The following ASAP1 variants were observed in gnomAD, a reference collection of about 807,000 sequenced individuals.
The protein encoded by ASAP1 is arf-GAP with SH3 domain, ANK repeat and PH domain-containing protein 1.
In ASAP1, 43 loss-of-function variants were observed where a neutral mutation model predicts 145.2. The observed-to-expected ratio is 0.30, with a 90% CI of 0.23 to 0.38. The LOEUF is 0.38. Among genes scored for constraint, ASAP1 ranks in the 10% least tolerant of loss-of-function variants. ASAP1 has a pLI of 1.00. For synonymous variants in ASAP1, 546 were observed against 515.5 expected (o/e 1.06, Z -0.80); for missense variants, 1,018 against 1,355.3 (o/e 0.75, Z 3.91).
intron 24 of ASAP1, 118 bp from the exon 25 acceptor site, chr8:130,092,261 A>C (rs2097507081): frequency 9.0e-7 from 1 of 1,109,790 alleles, no homozygotes; most frequent in Admixed American, 3.5e-5. Context: ...AGACAAAAGC[A>C]AAAGGCTGGA....
intron 3 of ASAP1, among the ~76,000 whole-genome samples, chr8:130,316,251 C>T: frequency 6.6e-6 from 1 of 152,186 alleles, no homozygotes; most frequent in Non-Finnish European, 1.5e-5. Flanking sequence ...ACTTCAATAA[C>T]TTTTCCATCT....
intron 3 of ASAP1, among the ~76,000 whole-genome samples, chr8:130,334,639 A>C (rs1586850972): frequency 6.6e-6 from 1 of 152,246 alleles, no homozygotes; most frequent in African/African-American, 2.4e-5. Flanking sequence ...TTCAGAGGGA[A>C]AAAAACACAA....
rs115210538 is a variant in ASAP1, at chr8:130,052,973, G to A, written c.*1758C>T. ...TGGTTCCTCATGCTCTGTTTGGTGTGGAAATTCACATGTGCCCTGACACTG... is the reference window on the plus strand; with the variant it reads ...TGGTTCCTCATGCTCTGTTTGGTGTAGAAATTCACATGTGCCCTGACACTG... On this transcript the variant is annotated 3_prime_UTR_variant, in exon 30 of 30. Transcript: ENST00000518721. The A allele has an allele frequency of 0.027, 4,146 of 152,172 alleles. 69 individuals are homozygous for A. The highest frequency in any genetic ancestry group is 0.044 in the African/African-American group (1,845 of 41,510). The allele number at this position is 152,172 out of a possible 1,614,324, so 9.4% of individuals were successfully genotyped here.
intron 3 of ASAP1, among the ~76,000 whole-genome samples, chr8:130,280,486 T>A (rs558766980): frequency 6.6e-6 from 1 of 152,220 alleles, no homozygotes; most frequent in Non-Finnish European, 1.5e-5. Context: ...TCTGCCACAG[T>A]AGAGAGCAGT....
intron 4 of ASAP1, among the ~76,000 whole-genome samples, chr8:130,219,188 T>A (rs1817133695): frequency 7.9e-6 from 1 of 126,136 alleles, no homozygotes; most frequent in Admixed American, 7.5e-5. Context: ...AACACAGGTC[T>A]CACATGTCTT....
intron 3 of ASAP1, among the ~76,000 whole-genome samples, chr8:130,286,969 G>C (rs1214034306): frequency 1.3e-5 from 2 of 152,164 alleles, no homozygotes; most frequent in African/African-American, 4.8e-5. Flanking sequence ...GCCCGTAGGG[G>C]GTCAAAAAGG....
intron 27 of ASAP1, among the ~76,000 whole-genome samples, chr8:130,062,664 C>T (rs374101908): frequency 3.9e-5 from 6 of 152,296 alleles, no homozygotes; most frequent in East Asian, 1.9e-4. Flanking sequence ...AAATACCCCA[C>T]CCTCTTCACC....
In ASAP1 at chr8:130,101,732, A is replaced by ATTTTTTTTTTTTTTTTTTTTTTT. The variant is rs59778799; in HGVS notation, c.2402-9590_2402-9589insAAAAAAAAAAAAAAAAAAAAAAA. Among the ~76,000 whole-genome samples, 44 of 86,924 alleles carry ATTTTTTTTTTTTTTTTTTTTTTT rather than the reference A, an allele frequency of 5.1e-4. 6 individuals carry two copies. The highest frequency in any genetic ancestry group is 2.0e-3 in the African/African-American group (36 of 18,090). 57.0% of individuals were successfully genotyped at this position (86,924 alleles called of 152,430 possible). A position where few individuals can be genotyped will look rare whatever the true frequency, so the allele number is the denominator to read the frequency against. On this transcript the variant is annotated intron_variant, in intron 24 of 29. Coordinates refer to ENST00000518721, the MANE Select transcript of ASAP1 (RefSeq NM_018482.4). ...AGGCATGTGCTACCACACCTGGTTA[A>ATTTTTTTTTTTTTTTTTTTTTTT]TTTTTTTTTTTTTTTTTTTTGCAGA...
chr8:130,151,072 C>G (rs2097645254), intron 13 of ASAP1, among the ~76,000 whole-genome samples: 1 of 151,858 alleles, frequency 6.6e-6, no homozygotes, highest in African/African-American at 2.4e-5. Flanking sequence ...GGAAGCTTAA[C>G]AAAAGATTGC....
At position 130,416,916 on chromosome 8, in the gene ASAP1, T is replaced by A. The variant is rs184956371; in HGVS notation, c.-27-14946A>T. ...TCTCTTCTGTTATAAACACATCAAATCTTGAATGACTATGACCCAAGTGGG... is the reference window on the plus strand; with the variant it reads ...TCTCTTCTGTTATAAACACATCAAAACTTGAATGACTATGACCCAAGTGGG... On this transcript the variant is annotated intron_variant, in intron 1 of 29. Transcript: ENST00000518721. Among the ~76,000 whole-genome samples, 25 of 152,278 alleles carry A rather than the reference T, an allele frequency of 1.6e-4. No individual in the cohort carries two copies. The East Asian group carries it at 4.6e-3, about 28-fold the overall frequency.
At chr8:130,202,847 A>C (rs7821176) in intron 5 of ASAP1, among the ~76,000 whole-genome samples, 3 of 152,190 alleles carry the variant, frequency 2.0e-5, no homozygotes, top group African/African-American at 7.2e-5. Flanking sequence ...GTTGCTTAAC[A>C]TATCTGTGGC....
intron 18 of ASAP1, among the ~76,000 whole-genome samples, chr8:130,120,048 C>CA (rs1459526328): frequency 1.3e-5 from 2 of 152,194 alleles, no homozygotes; most frequent in African/African-American, 4.8e-5. Flanking sequence ...GCAGTAAAAA[C>CA]AGTTGAGCTG....
intron 7 of ASAP1, among the ~76,000 whole-genome samples, chr8:130,185,859 A>G (rs1814688407): frequency 6.6e-6 from 1 of 152,114 alleles, no homozygotes; most frequent in African/African-American, 2.4e-5. Context: ...TAAGTCATTT[A>G]TAATACTAAG....
chr8:130,079,834 C>T, intron 26 of ASAP1, 68 bp downstream of exon 26: 4 of 1,510,256 alleles, frequency 2.6e-6, no homozygotes, highest in South Asian at 1.1e-5. Context: ...CATGAAAACT[C>T]ATTTCTAGAA....
At chr8:130,098,761 A>G (rs907076265) in intron 24 of ASAP1, among the ~76,000 whole-genome samples, 1 of 152,178 alleles carries the variant, frequency 6.6e-6, no homozygotes, top group Non-Finnish European at 1.5e-5. Context: ...CCATCATCTC[A>G]AAGATTTATC....
Position 130,112,200 on chromosome 8 carries a change from G to C in ASAP1, c.2295C>G (p.Leu765=), listed in dbSNP as rs1279666384. 1 of 1,614,220 alleles carries C rather than the reference G, an allele frequency of 6.2e-7. No homozygotes were observed. Among genetic ancestry groups the C allele is most frequent in the Non-Finnish European group, 8.5e-7 (1 of 1,180,046 alleles). ...GFSTPRDKQR[L]SYGAFTNQIF... is the part of the protein sequence containing the mutation. Reference sequence around the variant, plus strand: ...TCTGGTTGGTGAAGGCTCCATAGGAGAGCCGCTGTTTGTCCCTTGGAGTGC... The same window carrying C: ...TCTGGTTGGTGAAGGCTCCATAGGACAGCCGCTGTTTGTCCCTTGGAGTGC... Residue 765 remains leucine (L), a synonymous_variant, in exon 24 of 30, where the codon CTC becomes CTG. Coordinates refer to ENST00000518721, the MANE Select transcript of ASAP1 (RefSeq NM_018482.4).
rs528885903 is a variant in ASAP1, at chr8:130,262,296, G to A, written c.187-25302C>T. ...TGTAATCCCAGCTACTTGGGAGGCT[G>A]AGGCAGGACAATAGCTTGAACTCGG... On this transcript the variant is annotated intron_variant, in intron 3 of 29. Transcript: ENST00000518721. Among the ~76,000 whole-genome samples the A allele has an allele frequency of 2.7e-5, 4 of 148,912 alleles. No individual in the cohort carries two copies. The East Asian group carries it at 8.3e-4, about 31-fold the overall frequency.
At chr8:130,197,652 A>G (rs540360992) in intron 5 of ASAP1, among the ~76,000 whole-genome samples, 2 of 152,364 alleles carry the variant, frequency 1.3e-5, no homozygotes, top group African/African-American at 4.8e-5. Flanking sequence ...CTGTAGGGCA[A>G]GTGCCCTGAT....
intron 4 of ASAP1, among the ~76,000 whole-genome samples, chr8:130,222,958 C>T (rs80075568): frequency 0.026 from 3,990 of 152,224 alleles, 62 homozygotes; most frequent in Middle Eastern, 0.044. Context: ...CCTGAAAATC[C>T]AGGTCTTAGC....
Sources: allele counts gnomAD v4.1 joint callset (sites outside exome capture counted in the v4.1 genomes callset), GRCh38; gene constraint gnomAD v4.1.1; transcripts MANE v1.5; gene names NCBI Gene and HGNC (gene_info 2026-07-23, HGNC 2026-07-21).